The following PCLO variants were observed in gnomAD, a reference collection of about 807,000 sequenced individuals.
PCLO encodes the protein protein piccolo.
In PCLO, 82 loss-of-function variants were observed where a neutral mutation model predicts 427.5. That is an observed-to-expected ratio of 0.19 (90% confidence interval 0.16 to 0.23). PCLO has a LOEUF of 0.23. Ranked by LOEUF, PCLO falls within the 10% of genes least tolerant of loss-of-function variation. The pLI is 1.00. For synonymous variants in PCLO, 2,357 were observed against 2,155.4 expected (o/e 1.09, Z -2.59); for missense variants, 6,239 against 6,115.9 (o/e 1.02, Z -0.67).
At chr7:82,836,377 G>A (rs1445005286) in intron 15 of PCLO, among the ~76,000 whole-genome samples, 1 of 152,022 alleles carries the variant, frequency 6.6e-6, no homozygotes, top group Non-Finnish European at 1.5e-5. Flanking sequence ...AATCAAAGGC[G>A]GAATGAAGTT....
intron 16 of PCLO, 39 bp downstream of exon 16, chr7:82,835,628 T>C (rs376160518): frequency 1.3e-6 from 2 of 1,570,724 alleles, no homozygotes; most frequent in Admixed American, 1.7e-5. Flanking sequence ...ATTCAAGACA[T>C]AGCAGCAGAG....
chr7:82,802,230 A>G (rs151249261), intron 21 of PCLO, among the ~76,000 whole-genome samples: 36 of 142,984 alleles, frequency 2.5e-4, no homozygotes, highest in African/African-American at 6.9e-4. Context: ...TGTGATATAA[A>G]GATAATAATA....
At chr7:82,976,954 A>G (rs1315705869) in intron 3 of PCLO, among the ~76,000 whole-genome samples, 1 of 152,172 alleles carries the variant, frequency 6.6e-6, no homozygotes, top group Non-Finnish European at 1.5e-5. Flanking sequence ...TCCTGGGCCC[A>G]AGCCATCTTC....
intron 6 of PCLO, among the ~76,000 whole-genome samples, chr7:82,937,014 G>A (rs141944694): frequency 2.2e-4 from 33 of 151,724 alleles, no homozygotes; most frequent in African/African-American, 7.9e-4. Flanking sequence ...GAAAGTAATG[G>A]CTGAATGGGT....
At position 82,966,185 on chromosome 7, in the gene PCLO, C is replaced by G. The variant is rs764361278; in HGVS notation, c.3603G>C (p.Glu1201Asp). 6.3e-7 allele frequency: 1 copy of G among 1,575,200 alleles called. No individual in the cohort carries two copies. Among genetic ancestry groups the G allele is most frequent in the Non-Finnish European group, 8.6e-7 (1 of 1,160,162 alleles). Reference protein sequence around the residue: ...TDQKQEESKLEKDKASALQEK... With the variant: ...TDQKQEESKLDKDKASALQEK... ...CTTGAAGAGCTGAAGCTTTGTCTTT[C>G]TCTAGTTTACTCTCTTCTTGTTTTT... Residue 1201 changes from glutamate to aspartate, a missense_variant, in exon 4 of 25, where the codon GAG (glutamate) becomes GAC (aspartate). Glu to Asp is a conservative substitution (Grantham distance 45). Coordinates refer to ENST00000333891, the MANE Select transcript of PCLO (RefSeq NM_033026.6).
rs1017880778 is a variant in PCLO, at chr7:82,754,870, A to G, written c.*3705T>C. On this transcript the variant is annotated 3_prime_UTR_variant, in exon 25 of 25. Transcript: ENST00000333891. The stretch of plus-strand genomic sequence containing the variant: ...AAGGAAGATCACTTCTGTCACACAT[A>G]ACACATATATAGCTGTAGTTGGCTG... 7.9e-5 allele frequency: 12 copies of G among 152,102 alleles called. No individual in the cohort carries two copies. Among genetic ancestry groups the G allele is most frequent in the African/African-American group, 2.9e-4 (12 of 41,450 alleles). The allele number at this position is 152,102 out of a possible 1,614,324, so 9.4% of individuals were successfully genotyped here. A position where few individuals can be genotyped will look rare whatever the true frequency, so the allele number is the denominator to read the frequency against.
At chr7:82,995,150 A>C (rs975042214) in intron 3 of PCLO, among the ~76,000 whole-genome samples, 2 of 152,034 alleles carry the variant, frequency 1.3e-5, no homozygotes, top group African/African-American at 2.4e-5. Context: ...TAAGCCATGG[A>C]AATGGATGAA....
chr7:82,985,167 C>T (rs575394047), intron 3 of PCLO, among the ~76,000 whole-genome samples: 1 of 151,998 alleles, frequency 6.6e-6, no homozygotes, highest in Admixed American at 6.6e-5. Context: ...TCAATAAAGG[C>T]TGATGGTATA....
intron 1 of PCLO, among the ~76,000 whole-genome samples, chr7:83,160,678 T>C (rs919403268): frequency 6.6e-6 from 1 of 152,114 alleles, no homozygotes; most frequent in Non-Finnish European, 1.5e-5. Flanking sequence ...CTGATGCAAA[T>C]AGTGCATGAA....
At chr7:83,096,765 TTA>T (rs1465887003) in intron 3 of PCLO, among the ~76,000 whole-genome samples, 1 of 124,946 alleles carries the variant, frequency 8.0e-6, no homozygotes, top group Non-Finnish European at 1.6e-5. Flanking sequence ...TATAAATATA[TTA>T]TATATTATAT....
intron 3 of PCLO, among the ~76,000 whole-genome samples, chr7:83,102,466 C>T (rs1309403491): frequency 1.3e-5 from 2 of 151,906 alleles, no homozygotes; most frequent in Non-Finnish European, 2.9e-5. Context: ...ATCCCTGCCA[C>T]AACACACAAA....
chr7:83,046,216 G>C (rs1056450329), intron 3 of PCLO, among the ~76,000 whole-genome samples: 3 of 151,984 alleles, frequency 2.0e-5, no homozygotes, highest in Non-Finnish European at 4.4e-5. Context: ...GAGGCACTGA[G>C]GGTCAGAGAT....
At chr7:82,975,763 G>A (rs1583861867) in intron 3 of PCLO, among the ~76,000 whole-genome samples, 1 of 152,112 alleles carries the variant, frequency 6.6e-6, no homozygotes, top group South Asian at 2.1e-4. Context: ...GGAAGTGATT[G>A]GATTATGGGG....
chr7:82,867,397 A>C (rs370341324), intron 10 of PCLO, among the ~76,000 whole-genome samples: 9 of 152,204 alleles, frequency 5.9e-5, no homozygotes, highest in African/African-American at 2.2e-4. Context: ...CTGGGTACTA[A>C]AAGTTTTAAA....
chr7:83,132,423 G>A (rs1023577498), intron 3 of PCLO, among the ~76,000 whole-genome samples: 1 of 152,082 alleles, frequency 6.6e-6, no homozygotes, highest in Admixed American at 6.5e-5. Flanking sequence ...TTCCACACAT[G>A]TCCTTTGTAA....
intron 3 of PCLO, among the ~76,000 whole-genome samples, chr7:83,081,683 C>G (rs886502705): frequency 2.6e-5 from 4 of 151,642 alleles, no homozygotes; most frequent in African/African-American, 9.7e-5. Flanking sequence ...GAATTTAGAG[C>G]TACAATAGGT....
intron 6 of PCLO, among the ~76,000 whole-genome samples, chr7:82,942,974 C>T (rs1430557142): frequency 2.6e-5 from 4 of 151,840 alleles, no homozygotes; most frequent in African/African-American, 4.8e-5. Flanking sequence ...TGAAAAATAA[C>T]CCCTAATAAA....
At chr7:83,069,662 A>G (rs967967201) in intron 3 of PCLO, among the ~76,000 whole-genome samples, 3 of 152,138 alleles carry the variant, frequency 2.0e-5, no homozygotes, top group Admixed American at 6.5e-5. Context: ...TGCTTAGTTC[A>G]GTGCCTAGGA....
chr7:82,821,606 C>T (rs909677480), intron 20 of PCLO: 14 of 966,400 alleles, frequency 1.4e-5, no homozygotes, highest in Admixed American at 6.2e-5. Context: ...TTATATCAAT[C>T]GACTAAATTT....
Sources: gnomAD v4.1 joint callset for allele counts (sites outside exome capture counted in the v4.1 genomes callset) on GRCh38, gnomAD v4.1.1 for gene constraint, MANE v1.5 for transcripts, NCBI Gene and HGNC (gene_info 2026-07-23, HGNC 2026-07-21) for gene names.